The following OPCML variants were observed in gnomAD, a reference collection of about 807,000 sequenced individuals.
OPCML encodes the protein opioid-binding protein/cell adhesion molecule.
In OPCML, 13 loss-of-function variants were observed where a neutral mutation model predicts 37.8. That is an observed-to-expected ratio of 0.34 (90% CI 0.22 to 0.55). The LOEUF (loss-of-function observed/expected upper bound fraction) is 0.55, where lower values mean the gene tolerates loss of function less well. OPCML is among the 20% of genes least tolerant of loss of function. The probability of loss-of-function intolerance (pLI) is 0.91; values close to 1 mark genes in which losing one functional copy is unlikely to be tolerated. For synonymous variants in OPCML, 176 were observed against 168.8 expected, an observed-to-expected ratio of 1.04 and a Z score of -0.33; for missense variants, 341 against 435.6, an observed-to-expected ratio of 0.78 and a Z score of 1.93.
chr11:132,890,796 G>T (rs1033413378), intron 2 of OPCML, among the ~76,000 whole-genome samples: 2 of 148,010 alleles, frequency 1.4e-5, no homozygotes, highest in Non-Finnish European at 3.0e-5. Flanking sequence ...AGCAGAGCTT[G>T]CAGTGAGCCG....
At chr11:132,966,675 T>A (rs976903370) in intron 1 of OPCML, among the ~76,000 whole-genome samples, 1 of 152,110 alleles carries the variant, frequency 6.6e-6, no homozygotes, top group African/African-American at 2.4e-5. Context: ...TATTGTTGAA[T>A]TGGTTATTTC....
In OPCML at chr11:132,902,633, T is replaced by A. The variant is rs1251142098; in HGVS notation, c.146+40293A>T. ...CCAGAAGTCTGGTGCTTCTGCATGCTTTAACAAGAAGACTTTAGAAGCAGC... is the reference window on the plus strand; with the variant it reads ...CCAGAAGTCTGGTGCTTCTGCATGCATTAACAAGAAGACTTTAGAAGCAGC... On this transcript the variant is annotated intron_variant, in intron 2 of 7. Coordinates refer to ENST00000524381, the MANE Select transcript of OPCML (RefSeq NM_001012393.5). Among the ~76,000 whole-genome samples, 7 of 152,198 alleles carry A rather than the reference T, an allele frequency of 4.6e-5. No individual in the cohort carries two copies. In the East Asian group the frequency reaches 1.4e-3, roughly 29 times the overall value.
intron 1 of OPCML, among the ~76,000 whole-genome samples, chr11:133,492,463 C>T (rs927813488): frequency 1.3e-5 from 2 of 152,056 alleles, no homozygotes; most frequent in African/African-American, 2.4e-5. Context: ...ACAACCCAAA[C>T]GTCATGAAGA....
At chr11:132,494,239 C>T (rs2096224421) in intron 4 of OPCML, among the ~76,000 whole-genome samples, 1 of 152,210 alleles carries the variant, frequency 6.6e-6, no homozygotes, top group South Asian at 2.1e-4. Flanking sequence ...TCCCATACTG[C>T]TGTGAATCAT....
chr11:132,702,915 C>G (rs1943885418), intron 2 of OPCML, among the ~76,000 whole-genome samples: 1 of 152,032 alleles, frequency 6.6e-6, no homozygotes, highest in Admixed American at 6.6e-5. Flanking sequence ...TTTAATGGCT[C>G]TCATCTTTTT....
chr11:132,954,464 A>T (rs113015803), intron 1 of OPCML, among the ~76,000 whole-genome samples: 1 of 152,166 alleles, frequency 6.6e-6, no homozygotes, highest in Non-Finnish European at 1.5e-5. Flanking sequence ...GTTCACTTTT[A>T]AGGACTGGGT....
rs548624098 is a variant in OPCML at position 133,313,995 on chromosome 11, G to C, written c.61+218269C>G. Among the ~76,000 whole-genome samples, 177 of 152,108 alleles carry C rather than the reference G, an allele frequency of 1.2e-3. 1 individual carries two copies. Among genetic ancestry groups the C allele is most frequent in the African/African-American group, 3.9e-3 (161 of 41,498 alleles). On this transcript the variant is annotated intron_variant, in intron 1 of 7. Coordinates refer to ENST00000524381, the MANE Select transcript of OPCML (RefSeq NM_001012393.5). ...TCACGCCTGTAATCCCAGCACTTTG[G>C]GAGGCCGAGGCGGGCGGATCACGAG... is the stretch of plus-strand genomic sequence containing the variant.
At chr11:133,329,744 A>T (rs1201639296) in intron 1 of OPCML, among the ~76,000 whole-genome samples, 1 of 152,212 alleles carries the variant, frequency 6.6e-6, no homozygotes, top group African/African-American at 2.4e-5. Context: ...CCTAGAAGAA[A>T]ACCTAGGCAA....
At position 132,802,373 on chromosome 11, in the gene OPCML, G is replaced by A. The variant is rs372254642; in HGVS notation, c.146+140553C>T. Among the ~76,000 whole-genome samples the A allele has an allele frequency of 3.9e-5, 6 of 152,158 alleles. No homozygotes were observed. In the East Asian group the frequency reaches 5.8e-4, roughly 15 times the overall value. On this transcript the variant is annotated intron_variant, in intron 2 of 7. Transcript: ENST00000524381. ...AGTCCCTGAACAGACTTGGTTACTC[G>A]GCCCTTGCTTGCCTATCCAGCTGCA...
chr11:133,347,364 G>A lies in OPCML; in HGVS notation c.61+184900C>T, dbSNP rs1944027445. Among the ~76,000 whole-genome samples the A allele has an allele frequency of 2.0e-5, 3 of 152,294 alleles. No homozygotes were observed. In the South Asian group the frequency reaches 6.2e-4, roughly 32 times the overall value. ...AGAATTAGAAAGATGGCCTTTTGGA[G>A]GTTATTAACATGATGGCATTGCCTT... is the stretch of plus-strand genomic sequence containing the variant. On this transcript the variant is annotated intron_variant, in intron 1 of 7. Coordinates refer to ENST00000524381, the MANE Select transcript of OPCML (RefSeq NM_001012393.5).
intron 3 of OPCML, among the ~76,000 whole-genome samples, chr11:132,638,474 G>A (rs1283290385): frequency 6.6e-6 from 1 of 152,028 alleles, no homozygotes; most frequent in African/African-American, 2.4e-5. Context: ...ACTAATCAAC[G>A]TCCACAAAGT....
chr11:132,663,135 T>G (rs752957609), intron 2 of OPCML, among the ~76,000 whole-genome samples: 7 of 152,190 alleles, frequency 4.6e-5, no homozygotes, highest in Non-Finnish European at 7.3e-5. Flanking sequence ...TTCATAGAGC[T>G]TACATCACTG....
At chr11:133,008,391 T>C (rs1445545008) in intron 1 of OPCML, 3 of 985,322 alleles carry the variant, frequency 3.0e-6, no homozygotes, top group Admixed American at 1.2e-4. Flanking sequence ...TCAGAGGACA[T>C]CCGAGATTGT....
Position 133,187,755 on chromosome 11 carries a change from T to C in OPCML, c.62-244745A>G, listed in dbSNP as rs576442904. On this transcript the variant is annotated intron_variant, in intron 1 of 7. Transcript: ENST00000524381. Reference sequence around the variant, plus strand: ...AGTGTTAGGTATCATACGCATATATTGTGTACAACTTCTAAAGAGCTATCA... The same window carrying C: ...AGTGTTAGGTATCATACGCATATATCGTGTACAACTTCTAAAGAGCTATCA... Among the ~76,000 whole-genome samples the C allele has an allele frequency of 7.9e-5, 12 of 152,316 alleles. No homozygotes were observed. In the East Asian group the frequency reaches 1.5e-3, roughly 20 times the overall value.
Position 133,375,903 on chromosome 11 carries a change from A to C in OPCML, c.61+156361T>G, listed in dbSNP as rs201042632. ...TTTGAAAAGTGCCTTAGGAATCTCA[A>C]GACAAAAGTGTCAGCTCCTCATTGT... On this transcript the variant is annotated intron_variant, in intron 1 of 7. Coordinates refer to ENST00000524381, the MANE Select transcript of OPCML (RefSeq NM_001012393.5). 7.2e-5 allele frequency among the ~76,000 whole-genome samples: 11 copies of C among 152,198 alleles called. No individual in the cohort carries two copies. The East Asian group carries it at 2.1e-3, about 29-fold the overall frequency.
intron 1 of OPCML, among the ~76,000 whole-genome samples, chr11:133,149,131 A>G (rs957307974): frequency 6.6e-6 from 1 of 152,180 alleles, no homozygotes; most frequent in Admixed American, 6.5e-5. Context: ...CAGCTTAAAA[A>G]TCTAAATTGA....
intron 1 of OPCML, among the ~76,000 whole-genome samples, chr11:133,327,667 A>C (rs1403686816): frequency 6.6e-6 from 1 of 152,184 alleles, no homozygotes; most frequent in Non-Finnish European, 1.5e-5. Flanking sequence ...GGAATTCTAT[A>C]GACCTAAACT....
intron 2 of OPCML, among the ~76,000 whole-genome samples, chr11:132,828,546 C>G (rs1026739505): frequency 6.9e-6 from 1 of 145,944 alleles, no homozygotes; most frequent in East Asian, 1.9e-4. Context: ...TAAAACAGCT[C>G]TTTTAAAAAA....
chr11:132,430,798 G>T (rs2095994207), intron 7 of OPCML, among the ~76,000 whole-genome samples: 2 of 152,098 alleles, frequency 1.3e-5, no homozygotes, highest in South Asian at 4.1e-4. Flanking sequence ...CCCTTCCCCT[G>T]CCAGTTCCAG....
Sources: gnomAD v4.1 joint callset for allele counts (sites outside exome capture counted in the v4.1 genomes callset) on GRCh38, gnomAD v4.1.1 for gene constraint, MANE v1.5 for transcripts, NCBI Gene and HGNC (gene_info 2026-07-23, HGNC 2026-07-21) for gene names.